The following PCDH9 variants were observed in gnomAD, a reference collection of about 807,000 sequenced individuals.
PCDH9 encodes the protein protocadherin-9.
A neutral mutation model predicts 70.6 loss-of-function variants in PCDH9; 24 were observed. That is an observed-to-expected ratio of 0.34 (90% CI 0.25 to 0.48). The LOEUF (loss-of-function observed/expected upper bound fraction) is 0.48, where lower values mean the gene tolerates loss of function less well. Among genes scored for constraint, PCDH9 ranks in the 20% least tolerant of loss-of-function variants. The pLI, the probability that PCDH9 is intolerant of heterozygous loss-of-function variation, is 0.99. For missense variants in PCDH9, 1,281 were observed against 1,503.6 expected, an observed-to-expected ratio of 0.85 and a Z score of 2.45; for synonymous variants, 562 against 558.5, an observed-to-expected ratio of 1.01 and a Z score of -0.09.
chr13:66,631,327 C>T lies in PCDH9; in HGVS notation c.3223G>A (p.Gly1075Ser). ...GGGTGTGAGATCAGGGTTCCACTAC[C>T]CACCGGCTCATGGTCTCCTAGACCA... ...DSGLGDHEPV[G>S]SGTLISHPLP... is the part of the protein sequence containing the mutation. The change falls in exon 4 of 5, where the codon GGT becomes AGT. Residue 1075 changes from glycine (G) to serine (S), a missense_variant. This residue lies in a region of PCDH9 where 264 missense variants were observed against 278.8 expected (regional missense o/e 0.95). Coordinates refer to ENST00000377865, the MANE Select transcript of PCDH9 (RefSeq NM_203487.3). 1.9e-6 allele frequency: 3 copies of T among 1,607,650 alleles called. No individual in the cohort carries two copies. Among genetic ancestry groups the T allele is most frequent in the Non-Finnish European group, 2.6e-6 (3 of 1,174,150 alleles).
intron 4 of PCDH9, among the ~76,000 whole-genome samples, chr13:66,519,169 C>T (rs1959877430): frequency 6.6e-6 from 1 of 152,048 alleles, no homozygotes. Flanking sequence ...CTTTGACATC[C>T]TATTCTGATA....
chr13:66,980,935 A>G (rs1432992299), intron 2 of PCDH9, among the ~76,000 whole-genome samples: 1 of 151,824 alleles, frequency 6.6e-6, no homozygotes, highest in African/African-American at 2.4e-5. Context: ...GCTGATTCCA[A>G]GCTGTTTTAT....
intron 4 of PCDH9, among the ~76,000 whole-genome samples, chr13:66,441,059 T>G (rs1056675824): frequency 4.6e-5 from 7 of 152,220 alleles, no homozygotes; most frequent in Non-Finnish European, 1.0e-4. Context: ...TCAAACAATA[T>G]CCCTTCACAG....
At chr13:67,197,874 GATT>G (rs1266470212) in intron 2 of PCDH9, among the ~76,000 whole-genome samples, 5 of 151,738 alleles carry the variant, frequency 3.3e-5, no homozygotes, top group Middle Eastern at 3.5e-3. Context: ...TAATATTGAT[GATT>G]TATAAATGAC....
At chr13:66,759,644 T>C (rs1394516749) in intron 3 of PCDH9, among the ~76,000 whole-genome samples, 2 of 83,832 alleles carry the variant, frequency 2.4e-5, no homozygotes, top group Admixed American at 2.6e-4. Flanking sequence ...GTTTTTTACT[T>C]TTTGTGTATG....
intron 3 of PCDH9, among the ~76,000 whole-genome samples, chr13:66,900,701 T>C (rs1455919546): frequency 6.6e-6 from 1 of 151,770 alleles, no homozygotes; most frequent in African/African-American, 2.4e-5. Context: ...TCTAGTGTCA[T>C]AATATAAATT....
intron 3 of PCDH9, among the ~76,000 whole-genome samples, chr13:66,897,436 T>G: frequency 6.6e-6 from 1 of 152,256 alleles, no homozygotes; most frequent in Non-Finnish European, 1.5e-5. Flanking sequence ...CATGTTTACT[T>G]GACTTAAGGA....
Position 66,601,076 on chromosome 13 carries a change from T to C in PCDH9, c.3340+30134A>G, listed in dbSNP as rs2077160218. On this transcript the variant is annotated intron_variant, in intron 4 of 4. Coordinates refer to ENST00000377865, the MANE Select transcript of PCDH9 (RefSeq NM_203487.3). ...AAGTCAGGCTATGAGAAAACATCAA[T>C]TTATATTTGAAATGTCTTTATGATT... Among the ~76,000 whole-genome samples, 2 of 145,164 alleles carry C rather than the reference T, an allele frequency of 1.4e-5. 1 individual carries two copies. Among genetic ancestry groups the C allele is most frequent in the Non-Finnish European group, 3.1e-5 (2 of 64,556 alleles).
chr13:66,849,367 G>A (rs759191825), intron 3 of PCDH9, among the ~76,000 whole-genome samples: 4 of 151,564 alleles, frequency 2.6e-5, no homozygotes, highest in Non-Finnish European at 5.9e-5. Flanking sequence ...ATCTACCCAG[G>A]TGTCCTATGG....
At position 67,026,521 on chromosome 13, in the gene PCDH9, C is replaced by T. The variant is rs576508087; in HGVS notation, c.3037-122916G>A. 1.2e-4 allele frequency among the ~76,000 whole-genome samples: 19 copies of T among 152,112 alleles called. No individual in the cohort carries two copies. The East Asian group carries it at 1.9e-3, about 15-fold the overall frequency. ...ACTGGCATCAGACAGGGATGCCCTC[C>T]CTCACCACTCCTATTCAACATAGTG... On this transcript the variant is annotated intron_variant, in intron 2 of 4. Coordinates refer to ENST00000377865, the MANE Select transcript of PCDH9 (RefSeq NM_203487.3).
chr13:66,781,888 A>AAACG (rs1173942808), intron 3 of PCDH9, among the ~76,000 whole-genome samples: 1 of 151,286 alleles, frequency 6.6e-6, no homozygotes, highest in Non-Finnish European at 1.5e-5. Context: ...TCTCGGGCTC[A>AAACG]ATCAAAAGCC....
intron 2 of PCDH9, among the ~76,000 whole-genome samples, chr13:66,917,871 C>T (rs1450697396): frequency 1.3e-5 from 2 of 151,242 alleles, no homozygotes; most frequent in African/African-American, 4.8e-5. Context: ...GAAGAGACAT[C>T]CCTACATACA....
intron 3 of PCDH9, among the ~76,000 whole-genome samples, chr13:66,634,477 CT>C (rs2077612436): frequency 1.3e-5 from 2 of 152,166 alleles, no homozygotes; most frequent in South Asian, 4.1e-4. Flanking sequence ...CTCAGTAGTA[CT>C]TGCTCAGGTT....
In PCDH9 at chr13:67,227,480, C is replaced by A; in HGVS notation, c.961G>T (p.Glu321Ter). ...LITVQRSLDREETAIHKVTVL... is the reference protein window; with the variant it reads ...LITVQRSLDR The stretch of plus-strand genomic sequence containing the variant: ...GTCACTTTGTGAATGGCTGTCTCCT[C>A]TCTATCTAAGGACCTCTGAACTGTA... The change falls in exon 2 of 5, where the codon GAG becomes TAG. Residue 321 changes from glutamate to a stop codon, truncating the protein, a stop_gained. Transcript: ENST00000377865. LOFTEE classifies it high-confidence loss of function. The surrounding 1 kb of genome is among the most constrained non-coding windows in gnomAD (Gnocchi z 4.6). The A allele has an allele frequency of 6.2e-7, 1 of 1,613,862 alleles. No individual in the cohort carries two copies. The highest frequency in any genetic ancestry group is 8.5e-7 in the Non-Finnish European group (1 of 1,179,866).
intron 2 of PCDH9, among the ~76,000 whole-genome samples, chr13:67,160,297 A>G (rs537450240): frequency 2.8e-4 from 42 of 152,292 alleles, no homozygotes; most frequent in African/African-American, 9.9e-4. Flanking sequence ...TGTAATCCCA[A>G]CACTTTGGGA....
At chr13:66,398,805 A>AAAACAAAT (rs776218377) in intron 4 of PCDH9, among the ~76,000 whole-genome samples, 8 of 152,212 alleles carry the variant, frequency 5.3e-5, no homozygotes, top group Non-Finnish European at 1.0e-4. Context: ...ATAAGAAAAC[A>AAAACAAAT]AAACAAATAT....
intron 4 of PCDH9, among the ~76,000 whole-genome samples, chr13:66,608,745 A>G (rs2077253566): frequency 6.6e-6 from 1 of 152,062 alleles, no homozygotes; most frequent in South Asian, 2.1e-4. Context: ...CCTCCGTATC[A>G]CCACAGGACG....
At chr13:66,329,473 C>G (rs951049248) in intron 4 of PCDH9, among the ~76,000 whole-genome samples, 1 of 152,178 alleles carries the variant, frequency 6.6e-6, no homozygotes, top group African/African-American at 2.4e-5. Flanking sequence ...CATTTCCCAG[C>G]CCTGTTCCCC....
At chr13:66,772,850 A>C (rs2079829656) in intron 3 of PCDH9, among the ~76,000 whole-genome samples, 1 of 152,098 alleles carries the variant, frequency 6.6e-6, no homozygotes, top group Non-Finnish European at 1.5e-5. Context: ...GGCATATTAA[A>C]GTCATTTTAA....
Sources: allele counts gnomAD v4.1 joint callset (sites outside exome capture counted in the v4.1 genomes callset), GRCh38; gene constraint gnomAD v4.1.1; regional missense constraint gnomAD v4.1.1; non-coding constraint Gnocchi (gnomAD v3.1); transcripts MANE v1.5; gene names NCBI Gene and HGNC (gene_info 2026-07-23, HGNC 2026-07-21).